Variants in PLEKHG1 observed in about 807,000 individuals in gnomAD.
PLEKHG1 encodes pleckstrin homology and RhoGEF domain containing G1, also known as pleckstrin homology domain-containing family G member 1.
PLEKHG1 carries 44 observed loss-of-function variants against 100.8 expected under a neutral mutation model. The observed-to-expected ratio is 0.44, with a 90% CI of 0.34 to 0.56. PLEKHG1 has a LOEUF of 0.56. Ranked by LOEUF, PLEKHG1 falls within the 20% of genes least tolerant of loss-of-function variation. The pLI, the probability that PLEKHG1 is intolerant of heterozygous loss-of-function variation, is 0.01. For synonymous variants in PLEKHG1, 640 were observed against 662.5 expected (o/e 0.97, Z 0.52); for missense variants, 1,545 against 1,720.9 (o/e 0.90, Z 1.81).
At chr6:150,746,881 TGA>T (rs1027193783) in intron 2 of PLEKHG1, among the ~76,000 whole-genome samples, 2 of 152,222 alleles carry the variant, frequency 1.3e-5, no homozygotes, top group Non-Finnish European at 2.9e-5. Flanking sequence ...CATAACTAGG[TGA>T]GTTCAGTTCA....
At chr6:150,687,999 T>C (rs1020941427) in intron 3 of PLEKHG1, among the ~76,000 whole-genome samples, 19 of 152,198 alleles carry the variant, frequency 1.2e-4, no homozygotes, top group Non-Finnish European at 2.4e-4. Context: ...GAAACTCTTT[T>C]GAAAATAGCC....
At chr6:150,686,541 C>T (rs962569982) in intron 3 of PLEKHG1, among the ~76,000 whole-genome samples, 5 of 152,170 alleles carry the variant, frequency 3.3e-5, no homozygotes, top group Admixed American at 2.0e-4. Context: ...AATGAAGCAT[C>T]GAGAATGATC....
chr6:150,709,797 G>T (rs1418400633), intron 3 of PLEKHG1, among the ~76,000 whole-genome samples: 6 of 152,036 alleles, frequency 3.9e-5, no homozygotes, highest in Non-Finnish European at 8.8e-5. Context: ...TTGTTTGTTT[G>T]TTTGTTTTTG....
chr6:150,794,877 TA>T (rs898661401), intron 4 of PLEKHG1, among the ~76,000 whole-genome samples: 1 of 151,744 alleles, frequency 6.6e-6, no homozygotes, highest in South Asian at 2.1e-4. Flanking sequence ...CTTTCCATTT[TA>T]AAAAAAAGTT....
intron 10 of PLEKHG1, among the ~76,000 whole-genome samples, chr6:150,817,758 A>C (rs910059476): frequency 1.3e-5 from 2 of 151,936 alleles, no homozygotes; most frequent in Non-Finnish European, 2.9e-5. Context: ...GGGTTTCACC[A>C]TATTGGCCAG....
intron 7 of PLEKHG1, among the ~76,000 whole-genome samples, chr6:150,806,306 G>T (rs543105781): frequency 6.8e-6 from 1 of 147,338 alleles, no homozygotes. Flanking sequence ...CATAATGTCG[G>T]AATCTATTGA....
intron 2 of PLEKHG1, among the ~76,000 whole-genome samples, chr6:150,639,171 G>A (rs2128566886): frequency 6.6e-6 from 1 of 152,234 alleles, no homozygotes; most frequent in Admixed American, 6.5e-5. Context: ...CAATCTCTGA[G>A]TACAGTGTTT....
intron 1 of PLEKHG1, among the ~76,000 whole-genome samples, chr6:150,621,963 A>T (rs560505241): frequency 6.6e-6 from 1 of 152,310 alleles, no homozygotes; most frequent in Admixed American, 6.5e-5. Context: ...AGTTGCAGTT[A>T]ACCTTGAGCT....
chr6:150,628,518 A>G (rs1036802121), intron 1 of PLEKHG1, among the ~76,000 whole-genome samples: 2 of 144,468 alleles, frequency 1.4e-5, no homozygotes, highest in African/African-American at 2.6e-5. Context: ...GATGGTATGT[A>G]GATAGGAAAA....
chr6:150,719,778 G>A (rs1419931334), upstream of PLEKHG1, among the ~76,000 whole-genome samples: 1 of 152,186 alleles, frequency 6.6e-6, no homozygotes, highest in Non-Finnish European at 1.5e-5. Context: ...ACAGCCCAGG[G>A]AGGACCCTGC....
chr6:150,772,330 G>A (rs148388481), intron 3 of PLEKHG1, among the ~76,000 whole-genome samples: 1,603 of 152,300 alleles, frequency 0.011, 18 homozygotes, highest in Non-Finnish European at 0.017. Flanking sequence ...TGGTTTTGTT[G>A]CCATTACTAT....
intron 1 of PLEKHG1, among the ~76,000 whole-genome samples, chr6:150,613,101 C>T (rs1776920360): frequency 6.6e-6 from 1 of 152,184 alleles, no homozygotes; most frequent in Admixed American, 6.5e-5. Flanking sequence ...CACTCTGCAT[C>T]AGCCCACTGG....
chr6:150,701,548 G>A (rs1562446723), intron 3 of PLEKHG1, among the ~76,000 whole-genome samples: 1 of 142,640 alleles, frequency 7.0e-6, no homozygotes. Flanking sequence ...TTGGTGTGCT[G>A]CACCCATTAA....
chr6:150,764,375 T>C (rs1583080364), intron 2 of PLEKHG1, among the ~76,000 whole-genome samples: 1 of 152,174 alleles, frequency 6.6e-6, no homozygotes, highest in East Asian at 1.9e-4. Flanking sequence ...TGTGTTTGCC[T>C]CCCAAAGTAT....
At chr6:150,781,427 C>A (rs971638237) in intron 3 of PLEKHG1, among the ~76,000 whole-genome samples, 3 of 151,446 alleles carry the variant, frequency 2.0e-5, no homozygotes, top group African/African-American at 7.3e-5. Context: ...ATTGCTTGAA[C>A]CTAGGAAGCG....
chr6:150,621,399 G>A (rs1285888376), intron 1 of PLEKHG1, among the ~76,000 whole-genome samples: 1 of 149,264 alleles, frequency 6.7e-6, no homozygotes, highest in Non-Finnish European at 1.5e-5. Flanking sequence ...TTTTGAGATG[G>A]AGTCTCACTC....
In PLEKHG1 at chr6:150,683,687, T is replaced by G; in HGVS notation, c.-99+32901T>G. 1.4e-6 allele frequency: 1 copy of G among 736,160 alleles called. No individual in the cohort carries two copies. The highest frequency in any genetic ancestry group is 1.7e-5 in the South Asian group (1 of 59,470). The allele number at this position is 736,160 out of a possible 1,614,324, so 45.6% of individuals were successfully genotyped here. On this transcript the variant is annotated intron_variant, in intron 3 of 3. Coordinates refer to the PLEKHG1 transcript ENST00000367326. This position sits in a 1 kb window ranked among gnomAD's most constrained non-coding sequence, Gnocchi z 4.0. The stretch of plus-strand genomic sequence containing the variant: ...AGGATGACAGAGTGTTCAATGATGC[T>G]GTTCAACTTGAACCCTGAGTTGACA...
intron 3 of PLEKHG1, among the ~76,000 whole-genome samples, chr6:150,714,660 A>G (rs772395519): frequency 6.6e-6 from 1 of 152,168 alleles, no homozygotes; most frequent in Non-Finnish European, 1.5e-5. Context: ...TTTCAGTTGG[A>G]TGACTGAAGT....
At chr6:150,835,752 T>C (rs1372943387) in intron 15 of PLEKHG1, among the ~76,000 whole-genome samples, 1 of 152,174 alleles carries the variant, frequency 6.6e-6, no homozygotes, top group Non-Finnish European at 1.5e-5. Context: ...CTTGTTCACA[T>C]AGATGTCACA....
Sources: allele counts gnomAD v4.1 joint callset (sites outside exome capture counted in the v4.1 genomes callset), GRCh38; gene constraint gnomAD v4.1.1; non-coding constraint Gnocchi (gnomAD v3.1); transcripts MANE v1.5; gene names NCBI Gene and HGNC (gene_info 2026-07-23, HGNC 2026-07-21).